The following UBR2 variants were observed in gnomAD, a reference collection of about 807,000 sequenced individuals.
UBR2 encodes ubiquitin protein ligase E3 component n-recognin 2, also known as E3 ubiquitin-protein ligase UBR2.
Under a neutral mutation model 247.9 loss-of-function variants are expected in UBR2, and 92 were observed. The ratio of observed to expected loss-of-function variants is 0.37; its 90% CI spans 0.31 to 0.44. The LOEUF (loss-of-function observed/expected upper bound fraction) is 0.44, where lower values mean the gene tolerates loss of function less well. UBR2 is among the 20% of genes least tolerant of loss of function. UBR2 has a pLI of 1.00. For synonymous variants in UBR2, 672 were observed against 693.5 expected (o/e 0.97, Z 0.49); for missense variants, 1,613 against 2,112.6 (o/e 0.76, Z 4.64).
chr6:42,610,705 C>A (rs1355889768), intron 7 of UBR2, among the ~76,000 whole-genome samples: 1 of 152,078 alleles, frequency 6.6e-6, no homozygotes, highest in African/African-American at 2.4e-5. Flanking sequence ...CAGGGACTTG[C>A]TCTTTATTAG....
chr6:42,661,178 C>T (rs1180871306), intron 30 of UBR2, among the ~76,000 whole-genome samples: 2 of 151,766 alleles, frequency 1.3e-5, no homozygotes, highest in Non-Finnish European at 2.9e-5. Flanking sequence ...TTACCTGCTA[C>T]TCGGGAGGCT....
chr6:42,606,746 A>G (rs759171792), intron 7 of UBR2, 95 bp downstream of exon 7: 31 of 993,428 alleles, frequency 3.1e-5, no homozygotes, highest in Non-Finnish European at 4.3e-5. Context: ...TGCTTTCTCA[A>G]ATGAAAACCA....
chr6:42,672,136 G>A (rs1269699871), intron 36 of UBR2, among the ~76,000 whole-genome samples: 1 of 151,910 alleles, frequency 6.6e-6, no homozygotes, highest in African/African-American at 2.4e-5. Flanking sequence ...GGGTTCAAGC[G>A]ACTCTCCTGT....
chr6:42,661,861 T>A (rs1797832246), intron 30 of UBR2, among the ~76,000 whole-genome samples: 1 of 152,212 alleles, frequency 6.6e-6, no homozygotes, highest in South Asian at 2.1e-4. Flanking sequence ...GAGCTCAGGG[T>A]ACAATGGGAG....
At chr6:42,645,380 ACATGCTG>A (rs1796695708) in intron 20 of UBR2, 79 bp from the exon 21 acceptor site, 2 of 1,264,902 alleles carry the variant, frequency 1.6e-6, no homozygotes. Context: ...GAGAAATATA[ACATGCTG>A]CATGAATTAT....
At chr6:42,643,004 C>G (rs1796534513) in intron 18 of UBR2, among the ~76,000 whole-genome samples, 1 of 152,268 alleles carries the variant, frequency 6.6e-6, no homozygotes, top group Middle Eastern at 3.4e-3. Flanking sequence ...ACGTAGCTAA[C>G]TTATTTTCCT....
chr6:42,614,415 C>CGTACATACATACATATATATGTAT (rs1554250447), intron 8 of UBR2, among the ~76,000 whole-genome samples: 1 of 89,220 alleles, frequency 1.1e-5, no homozygotes, highest in Non-Finnish European at 2.2e-5. Context: ...TATGTATGTA[C>CGTACATACATACATATATATGTAT]GTACGTACAT....
chr6:42,614,375 T>TATATATGTATGTACGGACATACATAC (rs70990112), intron 8 of UBR2, among the ~76,000 whole-genome samples: 2 of 69,770 alleles, frequency 2.9e-5, no homozygotes, highest in Non-Finnish European at 6.0e-5. Flanking sequence ...TGTGTATGTG[T>TATATATGTATGTACGGACATACATAC]GTATATATGT....
At chr6:42,611,136 G>A (rs1484603255) in intron 7 of UBR2, among the ~76,000 whole-genome samples, 12 of 146,944 alleles carry the variant, frequency 8.2e-5, no homozygotes, top group East Asian at 6.5e-4. Context: ...GTGAGCTACC[G>A]TGCCCAGCCA....
At chr6:42,677,021 C>T in intron 40 of UBR2, 148 bp downstream of exon 40, 2 of 649,812 alleles carry the variant, frequency 3.1e-6, no homozygotes, top group Non-Finnish European at 5.4e-6. Context: ...CAGAGCCTTT[C>T]TGAACTATTC....
At chr6:42,586,883 G>A (rs796266441) in intron 2 of UBR2, among the ~76,000 whole-genome samples, 6 of 147,188 alleles carry the variant, frequency 4.1e-5, no homozygotes, top group African/African-American at 1.5e-4. Context: ...GTGCAGTGGC[G>A]CAATCTCGGC....
chr6:42,575,333 GA>G (rs1161806252), intron 2 of UBR2, among the ~76,000 whole-genome samples: 1 of 152,056 alleles, frequency 6.6e-6, no homozygotes, highest in African/African-American at 2.4e-5. Flanking sequence ...TATATATATT[GA>G]AAAACTATTA....
intron 25 of UBR2, among the ~76,000 whole-genome samples, chr6:42,655,348 C>T (rs978237534): frequency 7.9e-5 from 12 of 151,392 alleles, no homozygotes; most frequent in East Asian, 7.8e-4. Context: ...TGTGGTGGCA[C>T]GCGCCTGTAG....
intron 11 of UBR2, among the ~76,000 whole-genome samples, chr6:42,630,964 A>G (rs1409615773): frequency 2.6e-5 from 4 of 151,570 alleles, no homozygotes; most frequent in Non-Finnish European, 5.9e-5. Flanking sequence ...ATGCCACCAC[A>G]CCCAGCTAAT....
intron 26 of UBR2, among the ~76,000 whole-genome samples, 192 bp from the exon 27 acceptor site, chr6:42,657,832 G>A (rs1303212087): frequency 6.6e-6 from 1 of 152,130 alleles, no homozygotes; most frequent in Non-Finnish European, 1.5e-5. Flanking sequence ...AATTCTAGTT[G>A]TTGGCAACTT....
intron 4 of UBR2, among the ~76,000 whole-genome samples, chr6:42,595,718 TAA>T (rs11452412): frequency 6.6e-4 from 87 of 131,938 alleles, no homozygotes; most frequent in Admixed American, 9.2e-4. Context: ...ACCCTGTCTT[TAA>T]AAAAAAAAAA....
intron 2 of UBR2, among the ~76,000 whole-genome samples, chr6:42,577,815 C>T (rs1349315883): frequency 1.3e-5 from 2 of 150,522 alleles, no homozygotes; most frequent in South Asian, 2.1e-4. Context: ...GCATTGGGGG[C>T]GGGGGTGGCT....
chr6:42,653,191 C>A (rs1452893710), intron 25 of UBR2, among the ~76,000 whole-genome samples: 1 of 151,780 alleles, frequency 6.6e-6, no homozygotes, highest in Non-Finnish European at 1.5e-5. Flanking sequence ...TTCAAGTGAT[C>A]CCGCCACCTC....
At position 42,615,187 on chromosome 6, in the gene UBR2, C is replaced by T; in HGVS notation, c.1093+9C>T. ...TTCCAAATTATGGAAAGGTGAATCT[C>T]TTAACTACTTTTAAGGTGTAGAGGA... On this transcript the variant is annotated intron_variant, in intron 9 of 46. Transcript: ENST00000372901. The T allele has an allele frequency of 6.2e-7, 1 of 1,604,026 alleles. No individual in the cohort carries two copies. Among genetic ancestry groups the T allele is most frequent in the Non-Finnish European group, 8.5e-7 (1 of 1,174,386 alleles).
Sources: allele counts gnomAD v4.1 joint callset (sites outside exome capture counted in the v4.1 genomes callset), GRCh38; gene constraint gnomAD v4.1.1; transcripts MANE v1.5; gene names NCBI Gene and HGNC (gene_info 2026-07-23, HGNC 2026-07-21).